CENPE: variants seen among roughly 807,000 people sequenced by gnomAD.
CENPE encodes centromere protein E.
Under a neutral mutation model 336.1 loss-of-function variants are expected in CENPE, and 145 were observed. That is an observed-to-expected ratio of 0.43 (90% CI 0.38 to 0.50). The LOEUF (loss-of-function observed/expected upper bound fraction) is 0.50. Among genes scored for constraint, CENPE ranks in the 20% least tolerant of loss-of-function variants. CENPE has a pLI of 0.00. For missense variants in CENPE, 2,719 were observed against 3,023.3 expected (o/e 0.90, Z 2.36); for synonymous variants, 1,013 against 984.8 (o/e 1.03, Z -0.54).
At chr4:103,197,008 C>G (rs1429560294) in intron 1 of CENPE, among the ~76,000 whole-genome samples, 158 bp from the exon 2 acceptor site, 1 of 152,174 alleles carries the variant, frequency 6.6e-6, no homozygotes, top group Non-Finnish European at 1.5e-5. Context: ...TTAAATGGAG[C>G]TTCAGTGACC....
chr4:103,144,660 T>C (rs1752863358), intron 32 of CENPE, 42 bp from the exon 33 acceptor site: 1 of 1,401,904 alleles, frequency 7.1e-7, no homozygotes, highest in South Asian at 1.3e-5. Context: ...GGCAGAATTT[T>C]TTTAGGAAAA....
chr4:103,148,777 C>T, intron 28 of CENPE, 67 bp downstream of exon 28: 10 of 1,446,732 alleles, frequency 6.9e-6, no homozygotes, highest in Non-Finnish European at 8.6e-6. Flanking sequence ...CTTCTTACTG[C>T]TTATCTTTCC....
rs776939901 is a variant in CENPE, at chr4:103,195,031, T to C, written c.477+83A>G. On this transcript the variant is annotated intron_variant, in intron 5 of 48. Transcript: ENST00000265148. ...TAGAAATAGGAGACACTTTAAAAAC[T>C]ATAGAAATTAAAGGTAAACATTCAA... is the stretch of plus-strand genomic sequence containing the variant. 1.2e-4 allele frequency: 154 copies of C among 1,258,124 alleles called. No homozygotes were observed. In the Middle Eastern group the frequency reaches 1.4e-3, roughly 11 times the overall value. The allele number at this position is 1,258,124 out of a possible 1,614,324, so 77.9% of individuals were successfully genotyped here. A position where few individuals can be genotyped will look rare whatever the true frequency, so the allele number is the denominator to read the frequency against.
chr4:103,162,311 TATC>T (rs765701741), intron 18 of CENPE, among the ~76,000 whole-genome samples: 131 of 151,840 alleles, frequency 8.6e-4, no homozygotes, highest in Non-Finnish European at 1.5e-3. Flanking sequence ...TAGAAACTGT[TATC>T]ATAAAAAAAA....
chr4:103,180,281 CAA>C, intron 13 of CENPE, 28 bp downstream of exon 13: 4 of 1,590,216 alleles, frequency 2.5e-6, no homozygotes, highest in Non-Finnish European at 3.4e-6. Flanking sequence ...CTCTGTACAT[CAA>C]GTTTAAGCTG....
intron 41 of CENPE, 64 bp from the exon 42 acceptor site, chr4:103,132,960 T>TTTTATATATATA (rs1553926662): frequency 6.9e-6 from 1 of 144,300 alleles, no homozygotes; most frequent in African/African-American, 3.6e-5. Flanking sequence ...AATATTTTAT[T>TTTTATATATATA]TATATATATA....
chr4:103,173,285 G>C (rs902407699), intron 16 of CENPE, among the ~76,000 whole-genome samples: 3 of 151,960 alleles, frequency 2.0e-5, no homozygotes, highest in African/African-American at 7.2e-5. Flanking sequence ...GTGGTGCTGG[G>C]AAAACTGAAT....
At chr4:103,126,190 T>C (rs1279901874) in intron 42 of CENPE, among the ~76,000 whole-genome samples, 2 of 152,152 alleles carry the variant, frequency 1.3e-5, no homozygotes, top group East Asian at 1.9e-4. Context: ...TCAGGAGCTC[T>C]ACCAAGTCAT....
Position 103,146,027 on chromosome 4 carries a change from C to G in CENPE, c.4215G>C (p.Glu1405Asp). Residue 1405 changes from glutamate (E) to aspartate (D), a missense_variant, in exon 30 of 49, where the codon GAG becomes GAC. Physicochemically the swap from Glu to Asp is conservative, Grantham distance 45 (BLOSUM62 2). Coordinates refer to ENST00000265148, the MANE Select transcript of CENPE (RefSeq NM_001813.3). Reference protein sequence around the residue: ...KDNETTKIVSEMEQFKPKDSA... With the variant: ...KDNETTKIVSDMEQFKPKDSA... Reference sequence around the variant, plus strand: ...AATCTTTGGGTTTGAATTGCTCCATCTCACTCACGATTTTGGTAGTTTCAT... The same window carrying G: ...AATCTTTGGGTTTGAATTGCTCCATGTCACTCACGATTTTGGTAGTTTCAT... 1 of 1,613,930 alleles carries G rather than the reference C, an allele frequency of 6.2e-7. No homozygotes were observed. Among genetic ancestry groups the G allele is most frequent in the Non-Finnish European group, 8.5e-7 (1 of 1,179,918 alleles).
chr4:103,145,980 A>G lies in CENPE; in HGVS notation c.4262T>C (p.Ile1421Thr), dbSNP rs752648657. The change falls in exon 30 of 49, where the codon ATA (isoleucine) becomes ACA (threonine). Residue 1421 changes from isoleucine (I) to threonine (T), a missense_variant. Physicochemically the swap from Ile to Thr is moderately conservative, Grantham distance 89. This residue lies in a region of CENPE where 2,437 missense variants were observed against 2,513.3 expected (regional missense o/e 0.97). Transcript: ENST00000265148. ...PKDSALLRIE[I>T]EMLGLSKRLQ... Reference sequence around the variant, plus strand: ...TCTTTTGGACAATCCGAGCATTTCTATTTCTATCCTTAGTAGTGCTGAATC... The same window carrying G: ...TCTTTTGGACAATCCGAGCATTTCTGTTTCTATCCTTAGTAGTGCTGAATC... 8.1e-6 allele frequency: 13 copies of G among 1,613,674 alleles called. No homozygotes were observed. The highest frequency in any genetic ancestry group is 1.1e-5 in the Non-Finnish European group (13 of 1,179,916).
At chr4:103,144,090 C>T (rs1207618295) in intron 33 of CENPE, among the ~76,000 whole-genome samples, 1 of 152,114 alleles carries the variant, frequency 6.6e-6, no homozygotes, top group Non-Finnish European at 1.5e-5. Context: ...GCGCCCACCA[C>T]CACGCCTGCC....
chr4:103,185,531 G>A (rs1261046949), intron 9 of CENPE, among the ~76,000 whole-genome samples: 3 of 151,622 alleles, frequency 2.0e-5, no homozygotes, highest in Non-Finnish European at 4.4e-5. Context: ...AGTTTAAATG[G>A]TTTTTATGGA....
rs958434046 is a variant in CENPE, at chr4:103,106,058, C to T, written c.*164G>A. Reference sequence around the variant, plus strand: ...TTGCTATCACCATTCTAAATTACCACAATGCATTCATTTCCTGTTCCCTTA... The same window carrying T: ...TTGCTATCACCATTCTAAATTACCATAATGCATTCATTTCCTGTTCCCTTA... On this transcript the variant is annotated 3_prime_UTR_variant, in exon 49 of 49. Coordinates refer to ENST00000265148, the MANE Select transcript of CENPE (RefSeq NM_001813.3). 4.9e-6 allele frequency: 2 copies of T among 405,750 alleles called. No homozygotes were observed. The highest frequency in any genetic ancestry group is 4.1e-5 in the African/African-American group (2 of 48,928). 25.1% of individuals were successfully genotyped at this position (405,750 alleles called of 1,614,324 possible).
Position 103,141,850 on chromosome 4 carries a change from T to C in CENPE, c.5363A>G (p.Glu1788Gly), listed in dbSNP as rs897911261. ...IAHMHLKEQQ[E>G]TIDKLRGIVS... ...AATTCCTCTGAGTTTGTCAATAGTT[T>C]CCTGCTGCTCTTTCAGATGCATGTG... The change falls in exon 35 of 49, where the codon GAA (glutamate) becomes GGA (glycine). Residue 1788 changes from glutamate to glycine, a missense_variant. Glu to Gly is a moderately conservative substitution (Grantham distance 98, BLOSUM62 -2). Transcript: ENST00000265148. 1 of 1,602,336 alleles carries C rather than the reference T, an allele frequency of 6.2e-7. No homozygotes were observed. The highest frequency in any genetic ancestry group is 8.5e-7 in the Non-Finnish European group (1 of 1,172,002).
chr4:103,192,230 G>A (rs1757417897), intron 8 of CENPE, among the ~76,000 whole-genome samples: 1 of 152,172 alleles, frequency 6.6e-6, no homozygotes, highest in South Asian at 2.1e-4. Flanking sequence ...CTTGCACAGT[G>A]TCCACTACAG....
At chr4:103,160,294 C>A (rs547260256) in intron 21 of CENPE, among the ~76,000 whole-genome samples, 6 of 151,740 alleles carry the variant, frequency 4.0e-5, no homozygotes, top group Non-Finnish European at 5.9e-5. Flanking sequence ...CATAATGATA[C>A]TACTACTACC....
intron 21 of CENPE, among the ~76,000 whole-genome samples, chr4:103,159,601 T>G (rs1013382306): frequency 9.2e-5 from 14 of 151,928 alleles, no homozygotes; most frequent in Non-Finnish European, 1.6e-4. Context: ...TGTCTTTATT[T>G]CCTTACCTAT....
intron 8 of CENPE, among the ~76,000 whole-genome samples, chr4:103,188,416 A>G (rs1756997283): frequency 1.3e-5 from 2 of 152,228 alleles, no homozygotes; most frequent in African/African-American, 4.8e-5. Flanking sequence ...AGCAAATGTA[A>G]AAGAACAGAA....
chr4:103,162,519 T>C (rs1454642260), intron 18 of CENPE, among the ~76,000 whole-genome samples: 2 of 152,080 alleles, frequency 1.3e-5, no homozygotes, highest in East Asian at 3.8e-4. Context: ...TATATACTAC[T>C]GCATGCATTT....
Sources: allele counts gnomAD v4.1 joint callset (sites outside exome capture counted in the v4.1 genomes callset), GRCh38; gene constraint gnomAD v4.1.1; regional missense constraint gnomAD v4.1.1; transcripts MANE v1.5; gene names NCBI Gene and HGNC (gene_info 2026-07-23, HGNC 2026-07-21).